NHS: variants seen among roughly 807,000 people sequenced by gnomAD.
NHS encodes the protein actin remodeling regulator NHS.
A neutral mutation model predicts 72.5 loss-of-function variants in NHS; 5 were observed. That is an observed-to-expected ratio of 0.07 (90% CI 0.04 to 0.14). The LOEUF is 0.14. NHS is among the 10% of genes least tolerant of loss of function. NHS has a pLI of 1.00. For missense variants in NHS, 1,072 were observed against 1,355.7 expected (o/e 0.79, Z 3.29); for synonymous variants, 464 against 547.7 (o/e 0.85, Z 2.13).
intron 1 of NHS, among the ~76,000 whole-genome samples, chrX:17,505,746 TTGAC>T (rs2065054545): frequency 9.0e-6 from 1 of 110,526 alleles, no homozygotes; most frequent in Admixed American, 9.7e-5. Context: ...GATTGATTGA[TTGAC>T]TGATTTTTCT....
chrX:17,519,574 C>T (rs2065137449), intron 1 of NHS, among the ~76,000 whole-genome samples: 1 of 111,738 alleles, frequency 8.9e-6, no homozygotes, highest in Admixed American at 9.4e-5. Flanking sequence ...GGAGCACTTG[C>T]ACACGCACAC....
rs1169222053 is a variant in NHS at position 17,513,810 on chromosome X, T to C, written c.565+137488T>C. Among the ~76,000 whole-genome samples, 7 of 112,527 alleles carry C rather than the reference T, an allele frequency of 6.2e-5. No individual in the cohort carries two copies. In the East Asian group the frequency reaches 2.0e-3, roughly 31 times the overall value. ...AGAGGCCAGGTGTGATGGTTAATAT[T>C]GAATGTCAACTTGATTGAAGGATGC... On this transcript the variant is annotated intron_variant, in intron 1 of 8. Transcript: ENST00000676302.
rs941648181 is a variant in NHS, at chrX:17,520,095, G to A, written c.565+143773G>A. On this transcript the variant is annotated intron_variant, in intron 1 of 8. Coordinates refer to ENST00000676302, the MANE Select transcript of NHS (RefSeq NM_001291867.2). The stretch of plus-strand genomic sequence containing the variant: ...ACACACATCAGAGTTAGTTCCATTT[G>A]ACATTTGTGAATTTATGGGAAACCT... 1.2e-4 allele frequency among the ~76,000 whole-genome samples: 13 copies of A among 110,805 alleles called. No individual in the cohort carries two copies. The Admixed American group carries it at 1.3e-3, about 11-fold the overall frequency.
intron 1 of NHS, among the ~76,000 whole-genome samples, chrX:17,517,641 T>A (rs2065127796): frequency 9.0e-6 from 1 of 111,712 alleles, no homozygotes. Context: ...TTGGGGAGAA[T>A]GTTAGAGGGC....
At chrX:17,711,717 T>A (rs1363938651) in intron 3 of NHS, among the ~76,000 whole-genome samples, 2 of 111,866 alleles carry the variant, frequency 1.8e-5, no homozygotes, top group African/African-American at 6.5e-5. Context: ...AGGATAGGAT[T>A]TAAAAGTGAA....
At chrX:17,526,178 A>G (rs2065172394) in intron 1 of NHS, among the ~76,000 whole-genome samples, 1 of 112,828 alleles carries the variant, frequency 8.9e-6, no homozygotes, top group African/African-American at 3.2e-5. Context: ...AAAACAAACT[A>G]CCCCAAAATT....
intron 1 of NHS, among the ~76,000 whole-genome samples, chrX:17,658,330 C>T (rs1445705581): frequency 1.8e-5 from 2 of 111,868 alleles, no homozygotes; most frequent in African/African-American, 6.5e-5. Context: ...AATGTAAATG[C>T]CTATTTTTTT....
chrX:17,730,007 G>A (rs1421128855), intron 8 of NHS, among the ~76,000 whole-genome samples: 18 of 112,121 alleles, frequency 1.6e-4, no homozygotes, highest in Admixed American at 1.5e-3. Context: ...GTTTTAAAAG[G>A]AGCCAATCAG....
At chrX:17,516,310 G>A (rs1313038463) in intron 1 of NHS, among the ~76,000 whole-genome samples, 1 of 111,548 alleles carries the variant, frequency 9.0e-6, no homozygotes, top group Non-Finnish European at 1.9e-5. Flanking sequence ...TACTTGGTGA[G>A]AAGCATTAGG....
intron 1 of NHS, among the ~76,000 whole-genome samples, chrX:17,598,132 G>C (rs986073804): frequency 1.8e-5 from 2 of 111,262 alleles, no homozygotes; most frequent in Non-Finnish European, 3.8e-5. Context: ...CTGTGTCCTG[G>C]CATGGGTCCT....
intron 1 of NHS, among the ~76,000 whole-genome samples, chrX:17,538,148 T>G (rs2065239111): frequency 8.9e-6 from 1 of 111,851 alleles, no homozygotes. Flanking sequence ...AGTTCAGATT[T>G]CAGGTTTGTG....
At chrX:17,452,159 G>C (rs868305919) in intron 1 of NHS, among the ~76,000 whole-genome samples, 6 of 111,640 alleles carry the variant, frequency 5.4e-5, no homozygotes, top group South Asian at 3.8e-4. Context: ...TGATGAACAT[G>C]GTTCCTGCCT....
chrX:17,602,011 A>G (rs2065652280), intron 1 of NHS, among the ~76,000 whole-genome samples: 1 of 112,079 alleles, frequency 8.9e-6, no homozygotes, highest in African/African-American at 3.2e-5. Flanking sequence ...TGGCTTTAAC[A>G]TATAAATGTG....
At chrX:17,634,574 C>G (rs1000171399) in intron 1 of NHS, among the ~76,000 whole-genome samples, 6 of 111,660 alleles carry the variant, frequency 5.4e-5, no homozygotes, top group African/African-American at 2.0e-4. Context: ...AGTACCTAAA[C>G]TCTCCCTTTC....
chrX:17,731,813 G>C (rs372943849), intron 8 of NHS, 45 bp from the exon 9 acceptor site: 2 of 1,157,968 alleles, frequency 1.7e-6, no homozygotes. Flanking sequence ...TCATAAAAAC[G>C]TGAACTGAGT....
At chrX:17,680,508 G>A (rs1417127480) in intron 1 of NHS, among the ~76,000 whole-genome samples, 4 of 113,172 alleles carry the variant, frequency 3.5e-5, no homozygotes, top group African/African-American at 1.3e-4. Flanking sequence ...AAACACACAC[G>A]TGTGTGCACA....
chrX:17,381,674 A>G (rs2064378596), intron 1 of NHS, among the ~76,000 whole-genome samples: 1 of 112,749 alleles, frequency 8.9e-6, no homozygotes, highest in Non-Finnish European at 1.9e-5. Context: ...TACATACCAC[A>G]ATTTCTTGAT....
intron 3 of NHS, among the ~76,000 whole-genome samples, chrX:17,696,975 G>A (rs1438865310): frequency 1.8e-5 from 2 of 111,584 alleles, no homozygotes; most frequent in East Asian, 2.8e-4. Context: ...TGAACTAGCA[G>A]TGGGTCCTAA....
At position 17,480,279 on chromosome X, in the gene NHS, T is replaced by G. The variant is rs770203494; in HGVS notation, c.565+103957T>G. Reference sequence around the variant, plus strand: ...TTCTTCACAGAATTAGAAAAAACTATTTTAAATTTCATATGGAACCAAAAA... The same window carrying G: ...TTCTTCACAGAATTAGAAAAAACTAGTTTAAATTTCATATGGAACCAAAAA... On this transcript the variant is annotated intron_variant, in intron 1 of 8. Coordinates refer to ENST00000676302, the MANE Select transcript of NHS (RefSeq NM_001291867.2). 2.7e-5 allele frequency among the ~76,000 whole-genome samples: 3 copies of G among 111,790 alleles called. No individual in the cohort carries two copies. The Admixed American group carries it at 2.8e-4, about 11-fold the overall frequency.
Sources: gnomAD v4.1 joint callset for allele counts (sites outside exome capture counted in the v4.1 genomes callset) on GRCh38, gnomAD v4.1.1 for gene constraint, MANE v1.5 for transcripts, NCBI Gene and HGNC (gene_info 2026-07-23, HGNC 2026-07-21) for gene names.